Variants in ADAMTS17 observed in about 807,000 individuals in gnomAD.
The protein encoded by ADAMTS17 is ADAM metallopeptidase with thrombospondin type 1 motif 17.
In ADAMTS17, 113 loss-of-function variants were observed where a neutral mutation model predicts 141.5. The ratio of observed to expected loss-of-function variants is 0.80; its 90% CI spans 0.69 to 0.93. The LOEUF (loss-of-function observed/expected upper bound fraction) is 0.93, where lower values mean the gene tolerates loss of function less well. Among genes scored for constraint, ADAMTS17 ranks in the 40% least tolerant of loss-of-function variants. The pLI is 0.00. For synonymous variants in ADAMTS17, 768 were observed against 630.6 expected, an observed-to-expected ratio of 1.22 and a Z score of -3.27; for missense variants, 1,659 against 1,517.9, an observed-to-expected ratio of 1.09 and a Z score of -1.54.
At chr15:100,231,902 C>T (rs1016468090) in intron 7 of ADAMTS17, among the ~76,000 whole-genome samples, 1 of 152,108 alleles carries the variant, frequency 6.6e-6, no homozygotes, top group African/African-American at 2.4e-5. Flanking sequence ...TCCTTTTGAG[C>T]CCAATTTAGG....
intron 14 of ADAMTS17, among the ~76,000 whole-genome samples, chr15:100,098,521 C>G (rs969471045): frequency 6.6e-6 from 1 of 151,874 alleles, no homozygotes; most frequent in Non-Finnish European, 1.5e-5. Context: ...GTGGCACGCA[C>G]CTATGGTGAC....
intron 15 of ADAMTS17, among the ~76,000 whole-genome samples, chr15:100,054,764 C>T (rs955023805): frequency 4.6e-5 from 7 of 152,190 alleles, no homozygotes; most frequent in African/African-American, 9.6e-5. Flanking sequence ...CAGGTTCTCA[C>T]GTTTGCTCAC....
At chr15:100,098,619 C>T (rs185209923) in intron 14 of ADAMTS17, among the ~76,000 whole-genome samples, 2 of 151,302 alleles carry the variant, frequency 1.3e-5, no homozygotes, top group Admixed American at 6.6e-5. Context: ...GCTGAGATTG[C>T]GCCACTGCAC....
intron 3 of ADAMTS17, among the ~76,000 whole-genome samples, chr15:100,316,472 T>C (rs1469894420): frequency 2.0e-5 from 3 of 152,190 alleles, no homozygotes; most frequent in Non-Finnish European, 2.9e-5. Context: ...TCAAGCCCAT[T>C]GCCTGCAGCA....
chr15:99,990,187 C>T (rs535170091), intron 20 of ADAMTS17, among the ~76,000 whole-genome samples: 6 of 152,294 alleles, frequency 3.9e-5, no homozygotes, highest in African/African-American at 1.4e-4. Flanking sequence ...GGGCATGTGC[C>T]ACCACGCCCA....
At chr15:100,115,713 G>A (rs998646938) in intron 13 of ADAMTS17, among the ~76,000 whole-genome samples, 1 of 152,148 alleles carries the variant, frequency 6.6e-6, no homozygotes, top group African/African-American at 2.4e-5. Context: ...TCCCATCACA[G>A]GGAAGAAACA....
At chr15:100,200,251 G>A (rs1217031326) in intron 7 of ADAMTS17, among the ~76,000 whole-genome samples, 2 of 152,200 alleles carry the variant, frequency 1.3e-5, no homozygotes, top group Non-Finnish European at 2.9e-5. Flanking sequence ...TTGGTGGGAC[G>A]GCAGGCCAGC....
chr15:100,287,015 C>G (rs757366676), intron 3 of ADAMTS17, among the ~76,000 whole-genome samples: 11 of 152,102 alleles, frequency 7.2e-5, no homozygotes, highest in Non-Finnish European at 1.5e-4. Flanking sequence ...TGGTTAAACC[C>G]CGTCTCTACT....
Position 100,058,288 on chromosome 15 carries a change from T to G in ADAMTS17, c.2138-4234A>C, listed in dbSNP as rs866265776. On this transcript the variant is annotated intron_variant, in intron 15 of 21. Coordinates refer to ENST00000268070, the MANE Select transcript of ADAMTS17 (RefSeq NM_139057.4). ...GACACCCCTATCCCGGCTCTAACCC[T>G]CCTATCCCGGCTCTAACACCCCTAT... Among the ~76,000 whole-genome samples the G allele has an allele frequency of 3.0e-4, 20 of 67,682 alleles. 2 individuals are homozygous for G. In the East Asian group the frequency reaches 8.0e-3, roughly 27 times the overall value. The allele number at this position is 67,682 out of a possible 152,430, so 44.4% of individuals were successfully genotyped here.
chr15:100,152,371 ATGTGTAGG>A (rs1483658310), intron 10 of ADAMTS17, among the ~76,000 whole-genome samples: 1 of 151,554 alleles, frequency 6.6e-6, no homozygotes, highest in Non-Finnish European at 1.5e-5. Flanking sequence ...CTGCAACTGC[ATGTGTAGG>A]TGTGTATGTG....
At chr15:100,125,446 C>T (rs974102295) in intron 12 of ADAMTS17, among the ~76,000 whole-genome samples, 2 of 152,322 alleles carry the variant, frequency 1.3e-5, no homozygotes, top group South Asian at 2.1e-4. Flanking sequence ...TCTTAGCAGG[C>T]TAGCCGCCTT....
At chr15:100,165,827 C>T (rs551959149) in intron 8 of ADAMTS17, among the ~76,000 whole-genome samples, 9 of 152,068 alleles carry the variant, frequency 5.9e-5, no homozygotes, top group Middle Eastern at 3.4e-3. Context: ...AGAACCTCTG[C>T]CCCCCCTCAG....
At chr15:100,189,359 C>G (rs1368376289) in intron 8 of ADAMTS17, among the ~76,000 whole-genome samples, 1 of 152,182 alleles carries the variant, frequency 6.6e-6, no homozygotes, top group Non-Finnish European at 1.5e-5. Flanking sequence ...CGAGTGTGGA[C>G]CAAGCAGCTG....
chr15:100,069,228 A>C (rs1267664721), intron 15 of ADAMTS17, among the ~76,000 whole-genome samples: 3 of 152,198 alleles, frequency 2.0e-5, no homozygotes, highest in Non-Finnish European at 4.4e-5. Context: ...AGCCTCCAAG[A>C]AATATGGGAC....
chr15:100,304,276 T>A (rs1035273749), intron 3 of ADAMTS17, among the ~76,000 whole-genome samples: 9 of 152,200 alleles, frequency 5.9e-5, no homozygotes, highest in African/African-American at 1.9e-4. Context: ...GGCTCCACTG[T>A]CTTCTGGGAC....
chr15:100,063,599 A>C, intron 15 of ADAMTS17: 1 of 1,209,034 alleles, frequency 8.3e-7, no homozygotes, highest in Non-Finnish European at 1.1e-6. Flanking sequence ...GGGAGGAATG[A>C]CACTGAACCA....
chr15:100,014,084 G>T (rs954791286), intron 18 of ADAMTS17, among the ~76,000 whole-genome samples: 2 of 151,932 alleles, frequency 1.3e-5, no homozygotes, highest in African/African-American at 4.8e-5. Flanking sequence ...TCTGTTCAGG[G>T]TATGCAATTC....
chr15:100,234,614 C>A (rs1260140404), intron 7 of ADAMTS17, among the ~76,000 whole-genome samples: 1 of 152,236 alleles, frequency 6.6e-6, no homozygotes, highest in African/African-American at 2.4e-5. Flanking sequence ...ATTGCTTCCT[C>A]TTCTAGGATG....
chr15:99,980,103 C>T (rs889501095), intron 20 of ADAMTS17: 7 of 152,238 alleles, frequency 4.6e-5, no homozygotes, highest in Admixed American at 3.9e-4. Context: ...GGCAGGTCAC[C>T]TGAGGCCAGA....
Sources: allele counts gnomAD v4.1 joint callset (sites outside exome capture counted in the v4.1 genomes callset), GRCh38; gene constraint gnomAD v4.1.1; transcripts MANE v1.5; gene names NCBI Gene and HGNC (gene_info 2026-07-23, HGNC 2026-07-21).